IQGAP3: variants seen among roughly 807,000 people sequenced by gnomAD.
IQGAP3 encodes the protein IQ motif containing GTPase activating protein 3.
IQGAP3 carries 165 observed loss-of-function variants against 208.2 expected under a neutral mutation model. The observed-to-expected ratio is 0.79, with a 90% confidence interval of 0.70 to 0.90. The LOEUF is 0.90. Among genes scored for constraint, IQGAP3 ranks in the 40% least tolerant of loss-of-function variants. The pLI is 0.00. For missense variants in IQGAP3, 1,811 were observed against 2,043.1 expected (o/e 0.89, Z 2.19); for synonymous variants, 703 against 803.6 (o/e 0.87, Z 2.12).
rs945183114 is a variant in IQGAP3 at position 156,528,534 on chromosome 1, C to T, written c.4648G>A (p.Glu1550Lys). The change falls in exon 36 of 38, where the codon GAA becomes AAA. Residue 1550 changes from glutamate to lysine, a missense_variant. By Grantham distance (56) the Glu-to-Lys change is moderately conservative. Transcript: ENST00000361170. ...AQLLEKGVLV[E>K]IEDLPASHFR... ...TGAGAGGCGGGAAGATCTTCAATTT[C>T]CACCAAGACACCCTTTTCCAGGAGC... 9.9e-6 allele frequency: 16 copies of T among 1,613,982 alleles called. No individual in the cohort carries two copies. The highest frequency in any genetic ancestry group is 1.3e-5 in the Non-Finnish European group (15 of 1,179,922).
At chr1:156,563,924 G>T in intron 5 of IQGAP3, 100 bp from the exon 6 acceptor site, 1 of 906,190 alleles carries the variant, frequency 1.1e-6, no homozygotes, top group Non-Finnish European at 1.7e-6. Context: ...ACCTAGAGAT[G>T]AAGACCACTC....
At chr1:156,559,203 T>G (rs1168747485) in intron 11 of IQGAP3, among the ~76,000 whole-genome samples, 1 of 152,064 alleles carries the variant, frequency 6.6e-6, no homozygotes, top group Non-Finnish European at 1.5e-5. Flanking sequence ...GGTGAGTTCC[T>G]AAGGTGGTGA....
chr1:156,545,151 T>G (rs1675175498), intron 19 of IQGAP3, among the ~76,000 whole-genome samples: 1 of 152,202 alleles, frequency 6.6e-6, no homozygotes, highest in African/African-American at 2.4e-5. Context: ...CCCTAGCTGA[T>G]CTGCTGCAAA....
In IQGAP3 at chr1:156,555,209, G is replaced by A. The variant is rs138108784; in HGVS notation, c.1291-817C>T. Among the ~76,000 whole-genome samples the A allele has an allele frequency of 1.1e-3, 161 of 152,120 alleles. 1 individual carries two copies. Among genetic ancestry groups the A allele is most frequent in the Non-Finnish European group, 1.1e-3 (77 of 68,014 alleles). On this transcript the variant is annotated intron_variant, in intron 12 of 37. Transcript: ENST00000361170. The stretch of plus-strand genomic sequence containing the variant: ...TGCTTTTCAAACATCTGCTTATGCC[G>A]TGCCCTTTGTCTAGAGCACCCTTCC...
chr1:156,544,358 GAA>G, intron 20 of IQGAP3, 29 bp downstream of exon 20: 1 of 1,583,498 alleles, frequency 6.3e-7, no homozygotes, highest in South Asian at 1.1e-5. Context: ...TCCTTTGAGA[GAA>G]AGGAGCCTGC....
Position 156,528,619 on chromosome 1 carries a change from A to T in IQGAP3, c.4572-9T>A. On this transcript the variant is annotated splice_polypyrimidine_tract_variant and intron_variant, in intron 35 of 37. Transcript: ENST00000361170. ...TCCCCTTCCCAGAACTCCTGATTAAAAGAAGGCCCCAGAGAATTCATCCAA... is the reference window on the plus strand; with the variant it reads ...TCCCCTTCCCAGAACTCCTGATTAATAGAAGGCCCCAGAGAATTCATCCAA... 6.3e-7 allele frequency: 1 copy of T among 1,599,246 alleles called. No individual in the cohort carries two copies. Among genetic ancestry groups the T allele is most frequent in the Non-Finnish European group, 8.6e-7 (1 of 1,167,456 alleles).
chr1:156,566,014 G>C lies in IQGAP3; in HGVS notation c.360+13C>G. 1 of 1,599,508 alleles carries C rather than the reference G, an allele frequency of 6.3e-7. No individual in the cohort carries two copies. Among genetic ancestry groups the C allele is most frequent in the Non-Finnish European group, 8.6e-7 (1 of 1,166,718 alleles). The stretch of plus-strand genomic sequence containing the variant: ...GAGTAAAGATGAATACCAATCTTCA[G>C]GCCCAGTATTACCGAAGGCAGACCG... On this transcript the variant is annotated intron_variant, in intron 4 of 37. Transcript: ENST00000361170.
chr1:156,544,447 C>T lies in IQGAP3; in HGVS notation c.2330G>A (p.Arg777Gln), dbSNP rs369096813. 86 of 1,613,974 alleles carry T rather than the reference C, an allele frequency of 5.3e-5. 1 individual carries two copies. Among genetic ancestry groups the T allele is most frequent in the Middle Eastern group, 4.9e-4 (3 of 6,084 alleles). Residue 777 changes from arginine (R) to glutamine (Q), a missense_variant, in exon 20 of 38, where the codon CGG (arginine) becomes CAG (glutamine). Physicochemically the swap from Arg to Gln is conservative, Grantham distance 43. Transcript: ENST00000361170. ...CTGCAACCACTCCAGGTAAATCTTC[C>T]GCTGCCTATAACCCCGCCAATGAGC... ...IQAHWRGYRQ[R>Q]KIYLEWLQYF...
chr1:156,552,723 T>C (rs1457314488), intron 13 of IQGAP3, among the ~76,000 whole-genome samples: 1 of 152,236 alleles, frequency 6.6e-6, no homozygotes, highest in Admixed American at 6.5e-5. Flanking sequence ...GTCTCCCTGC[T>C]TTCCCCTTGT....
Position 156,526,599 on chromosome 1 carries a change from C to T in IQGAP3, c.4783G>A (p.Asp1595Asn), listed in dbSNP as rs766767647. Residue 1595 changes from aspartate (D) to asparagine (N), a missense_variant and splice_region_variant, in exon 38 of 38, where the codon GAT (aspartate) becomes AAT (asparagine). Coordinates refer to ENST00000361170, the MANE Select transcript of IQGAP3 (RefSeq NM_178229.5). ...DMERFQLHYQDLLQLQYEGVA... is the reference protein window; with the variant it reads ...DMERFQLHYQNLLQLQYEGVA... ...CCCTCATACTGGAGCTGCAGGAGAT[C>T]CTAGGAGGGAAGAGGCAGGGAGGGG... 3.2e-5 allele frequency: 51 copies of T among 1,609,938 alleles called. No individual in the cohort carries two copies. Among genetic ancestry groups the T allele is most frequent in the Non-Finnish European group, 4.1e-5 (48 of 1,176,466 alleles).
intron 5 of IQGAP3, 125 bp downstream of exon 5, chr1:156,564,490 C>T (rs1676311346): frequency 2.7e-6 from 2 of 731,844 alleles, no homozygotes; most frequent in South Asian, 1.5e-5. Context: ...TCTGAAACCT[C>T]ACTCTCCTGA....
chr1:156,531,337 C>T (rs1181240495), intron 32 of IQGAP3, 90 bp from the exon 33 acceptor site: 3 of 945,084 alleles, frequency 3.2e-6, no homozygotes, highest in Non-Finnish European at 5.2e-6. Flanking sequence ...AGTAAGTGGA[C>T]CGTGCTCTAT....
intron 13 of IQGAP3, among the ~76,000 whole-genome samples, chr1:156,553,580 C>CTTTTTTTTTTTTT (rs11316423): frequency 2.3e-5 from 2 of 88,044 alleles, no homozygotes; most frequent in African/African-American, 7.3e-5. Flanking sequence ...TTCTTTCTTT[C>CTTTTTTTTTTTTT]TTTTTTTTTT....
Position 156,563,539 on chromosome 1 carries a change from A to G in IQGAP3, c.619+14T>C, listed in dbSNP as rs1401563826. 4 of 1,602,562 alleles carry G rather than the reference A, an allele frequency of 2.5e-6. No homozygotes were observed. The African/African-American group carries it at 5.4e-5, about 21-fold the overall frequency. Reference sequence around the variant, plus strand: ...ATTGAGCCTACTCCTGGCAGGGCAGAGCCTAGTCCTTACCTGCAGCCTCAT... The same window carrying G: ...ATTGAGCCTACTCCTGGCAGGGCAGGGCCTAGTCCTTACCTGCAGCCTCAT... On this transcript the variant is annotated intron_variant, in intron 7 of 37. Transcript: ENST00000361170.
At chr1:156,566,305 TA>T (rs1360135121) in intron 3 of IQGAP3, 84 bp downstream of exon 3, 6 of 1,408,376 alleles carry the variant, frequency 4.3e-6, no homozygotes, top group Non-Finnish European at 4.0e-6. Context: ...GACAATAAGT[TA>T]TATGGTCACT....
At chr1:156,534,990 T>C (rs1674623172) in intron 28 of IQGAP3, among the ~76,000 whole-genome samples, 173 bp downstream of exon 28, 1 of 152,214 alleles carries the variant, frequency 6.6e-6, no homozygotes, top group African/African-American at 2.4e-5. Context: ...ATGAGCCATC[T>C]GCCACCTGAA....
Position 156,563,147 on chromosome 1 carries a change from T to C in IQGAP3, c.785A>G (p.Asn262Ser), listed in dbSNP as rs762553585. The part of the protein sequence containing the change: ...LAQAKMEKAA[N>S]ARNHDDRESQ... ...ACTACTCCTTACATGGTTCCTGGCA[T>C]TGGCTGCCTTCTCCATCTTGGCCTG... is the stretch of plus-strand genomic sequence containing the variant. Residue 262 changes from asparagine (N) to serine (S), a missense_variant, in exon 8 of 38, where the codon AAT (asparagine) becomes AGT (serine). Coordinates refer to ENST00000361170, the MANE Select transcript of IQGAP3 (RefSeq NM_178229.5). The C allele has an allele frequency of 1.9e-6, 3 of 1,600,690 alleles. No individual in the cohort carries two copies. Among genetic ancestry groups the C allele is most frequent in the Non-Finnish European group, 2.6e-6 (3 of 1,170,894 alleles).
chr1:156,527,970 T>C lies in IQGAP3; in HGVS notation c.4764A>G (p.Arg1588=). The stretch of plus-strand genomic sequence containing the variant: ...CCCTCACCTGATAGTGAAGCTGAAA[T>C]CGCTCCATGTCCACACCCAGGAACT... ...NAKFLGVDME[R]FQLHYQDLLQ... Residue 1588 remains arginine (R), a synonymous_variant, in exon 37 of 38, where the codon CGA becomes CGG. Coordinates refer to ENST00000361170, the MANE Select transcript of IQGAP3 (RefSeq NM_178229.5). 1 of 1,613,216 alleles carries C rather than the reference T, an allele frequency of 6.2e-7. No individual in the cohort carries two copies. Among genetic ancestry groups the C allele is most frequent in the Non-Finnish European group, 8.5e-7 (1 of 1,179,180 alleles).
In IQGAP3 at chr1:156,529,916, CAAAA is replaced by C. The variant is rs57536386; in HGVS notation, c.4404+185_4404+188del. 1.4e-4 allele frequency among the ~76,000 whole-genome samples: 10 copies of C among 68,994 alleles called. 1 individual carries two copies. Among genetic ancestry groups the C allele is most frequent in the African/African-American group, 3.6e-4 (6 of 16,860 alleles). 45.3% of individuals were successfully genotyped at this position (68,994 alleles called of 152,430 possible). On this transcript the variant is annotated intron_variant, in intron 34 of 37. Coordinates refer to ENST00000361170, the MANE Select transcript of IQGAP3 (RefSeq NM_178229.5). ...AGCCTGGATGAGAGTGAGACTGTCT[CAAAA>C]AAAAAAAAAAAAAAGAAAAAAAAAT... is the stretch of plus-strand genomic sequence containing the variant.
Sources: allele counts gnomAD v4.1 joint callset (sites outside exome capture counted in the v4.1 genomes callset), GRCh38; gene constraint gnomAD v4.1.1; transcripts MANE v1.5; gene names NCBI Gene and HGNC (gene_info 2026-07-23, HGNC 2026-07-21).